CDRT4: variants seen among roughly 807,000 people sequenced by gnomAD.
CDRT4 encodes CMT1A duplicated region transcript 4 protein.
For synonymous variants in CDRT4, 64 were observed against 69.6 expected, an observed-to-expected ratio of 0.92 and a Z score of 0.40; for missense variants, 167 against 193.1, an observed-to-expected ratio of 0.87 and a Z score of 0.80.
chr17:15,455,809 C>A (rs767844145), intron 1 of CDRT4, among the ~76,000 whole-genome samples: 18 of 152,318 alleles, frequency 1.2e-4, no homozygotes, highest in Non-Finnish European at 2.1e-4. Flanking sequence ...GGATTCTCCT[C>A]CTGTTGAGCC....
At position 15,437,907 on chromosome 17, in the gene CDRT4, C is replaced by A. The variant is rs1978568648; in HGVS notation, c.325G>T (p.Ala109Ser). The A allele has an allele frequency of 1.2e-6, 2 of 1,614,158 alleles. No homozygotes were observed. The highest frequency in any genetic ancestry group is 1.3e-5 in the African/African-American group (1 of 75,038). The change falls in exon 4 of 4, where the codon GCC (alanine) becomes TCC (serine). Residue 109 changes from alanine (A) to serine (S), a missense_variant. Transcript: ENST00000619038. Reference sequence around the variant, plus strand: ...TCTGGGATCATGGTAGGAGCCATGGCCAATACCGAATAAGCGCCCCACATT... The same window carrying A: ...TCTGGGATCATGGTAGGAGCCATGGACAATACCGAATAAGCGCCCCACATT... ...LSMWGAYSVL[A>S]MAPTMIPEPT...
chr17:15,439,262 T>C, intron 3 of CDRT4: 4 of 419,944 alleles, frequency 9.5e-6, no homozygotes, highest in South Asian at 6.7e-5. Context: ...CATCTCCAAA[T>C]TGAATGCAGT....
At chr17:15,460,518 T>C (rs1979698364) in intron 1 of CDRT4, among the ~76,000 whole-genome samples, 1 of 152,034 alleles carries the variant, frequency 6.6e-6, no homozygotes, top group Non-Finnish European at 1.5e-5. Flanking sequence ...TTACAGAGGG[T>C]AAAATTGAGG....
intron 2 of CDRT4, chr17:15,443,804 G>T (rs2954770): frequency 0.15 from 81,639 of 540,162 alleles, 12,035 homozygotes; most frequent in East Asian, 0.48. Context: ...GGTTGACAAA[G>T]GGTGGGGTAA....
At chr17:15,460,101 C>T (rs918451622) in intron 1 of CDRT4, among the ~76,000 whole-genome samples, 8 of 152,110 alleles carry the variant, frequency 5.3e-5, no homozygotes, top group Non-Finnish European at 1.0e-4. Flanking sequence ...GCTCTTATAT[C>T]CAATCCCTGC....
At chr17:15,438,884 C>T (rs1417368868) in intron 3 of CDRT4, among the ~76,000 whole-genome samples, 3 of 152,168 alleles carry the variant, frequency 2.0e-5, no homozygotes, top group South Asian at 2.1e-4. Context: ...GGCTGACTAG[C>T]TTGCACGACT....
chr17:15,443,648 G>A (rs1346027632), intron 2 of CDRT4: 5 of 365,678 alleles, frequency 1.4e-5, no homozygotes, highest in South Asian at 6.9e-5. Flanking sequence ...AATGAAGACC[G>A]TTCTCAGCAA....
chr17:15,462,551 G>C (rs1179954798), intron 1 of CDRT4, among the ~76,000 whole-genome samples: 2 of 151,508 alleles, frequency 1.3e-5, no homozygotes, highest in Admixed American at 6.6e-5. Context: ...ACTGCAGACA[G>C]AATTGCCCAT....
chr17:15,459,682 G>A (rs1212413195), intron 1 of CDRT4, among the ~76,000 whole-genome samples: 1 of 151,868 alleles, frequency 6.6e-6, no homozygotes, highest in Non-Finnish European at 1.5e-5. Flanking sequence ...TCCTGACCTC[G>A]TGATCCGCCC....
chr17:15,463,260 C>G (rs1049779495), intron 1 of CDRT4, among the ~76,000 whole-genome samples: 1 of 151,838 alleles, frequency 6.6e-6, no homozygotes, highest in Non-Finnish European at 1.5e-5. Context: ...ATCACTGGGC[C>G]GGGGTGGAGA....
At chr17:15,453,979 A>G (rs1000226932) in intron 1 of CDRT4, among the ~76,000 whole-genome samples, 2 of 152,168 alleles carry the variant, frequency 1.3e-5, no homozygotes, top group Non-Finnish European at 2.9e-5. Flanking sequence ...CTGGACTGTT[A>G]TCATCATTAA....
intron 2 of CDRT4, among the ~76,000 whole-genome samples, chr17:15,445,372 GA>G (rs895733936): frequency 3.3e-5 from 5 of 151,886 alleles, no homozygotes; most frequent in Non-Finnish European, 5.9e-5. Context: ...AACTAAGTTA[GA>G]AAAAAAATGC....
At chr17:15,467,193 A>C (rs1199325326) in intron 1 of CDRT4, among the ~76,000 whole-genome samples, 1 of 152,192 alleles carries the variant, frequency 6.6e-6, no homozygotes, top group Non-Finnish European at 1.5e-5. Flanking sequence ...CTCTGCAGAC[A>C]AAGTAAATCA....
chr17:15,451,134 T>G (rs961795131), intron 2 of CDRT4, among the ~76,000 whole-genome samples: 5 of 151,998 alleles, frequency 3.3e-5, no homozygotes, highest in African/African-American at 1.2e-4. Context: ...ATCATGGGGG[T>G]GGGTTTTTCC....
intron 3 of CDRT4, 81 bp downstream of exon 3, chr17:15,440,127 G>T: frequency 7.3e-7 from 1 of 1,372,644 alleles, no homozygotes; most frequent in African/African-American, 1.5e-5. Flanking sequence ...TGGCCGCCCA[G>T]TGGCCTCTTC....
chr17:15,443,343 G>A (rs994987026), intron 2 of CDRT4, among the ~76,000 whole-genome samples: 7 of 149,556 alleles, frequency 4.7e-5, no homozygotes, highest in African/African-American at 9.9e-5. Flanking sequence ...GTAGTGGCAC[G>A]ATCGTAGCTC....
chr17:15,463,688 C>G (rs1196576296), intron 1 of CDRT4, among the ~76,000 whole-genome samples: 2 of 152,168 alleles, frequency 1.3e-5, no homozygotes, highest in Admixed American at 1.3e-4. Flanking sequence ...GGTGGGCTCT[C>G]CACTCTCCAC....
intron 2 of CDRT4, among the ~76,000 whole-genome samples, chr17:15,449,308 T>G (rs1979162814): frequency 2.0e-5 from 3 of 152,232 alleles, no homozygotes; most frequent in South Asian, 4.1e-4. Context: ...TACTATTGTA[T>G]TAACCCCATT....
rs1480473136 is a variant in CDRT4 at position 15,464,939 on chromosome 17, A to G, written c.-130+2521T>C. On this transcript the variant is annotated intron_variant, in intron 1 of 3. Coordinates refer to ENST00000619038, the MANE Select transcript of CDRT4 (RefSeq NM_001204477.2). The surrounding 1 kb of genome is among the most constrained non-coding windows in gnomAD (Gnocchi z 4.5). ...GAAAGTGCAAGTGGGTGCAACACAC[A>G]CACACACCAACACACAGACACACAC... Among the ~76,000 whole-genome samples, 1 of 152,098 alleles carries G rather than the reference A, an allele frequency of 6.6e-6. No individual in the cohort carries two copies. The highest frequency in any genetic ancestry group is 2.4e-5 in the African/African-American group (1 of 41,384).
Sources: gnomAD v4.1 joint callset for allele counts (sites outside exome capture counted in the v4.1 genomes callset) on GRCh38, gnomAD v4.1.1 for gene constraint, Gnocchi (gnomAD v3.1) non-coding constraint, MANE v1.5 for transcripts, NCBI Gene and HGNC (gene_info 2026-07-23, HGNC 2026-07-21) for gene names.